Variants in TSPEAR observed in about 807,000 individuals in gnomAD.
The protein encoded by TSPEAR is thrombospondin-type laminin G domain and EAR repeat-containing protein.
Under a neutral mutation model 71.6 loss-of-function variants are expected in TSPEAR, and 69 were observed. The ratio of observed to expected loss-of-function variants is 0.96; its 90% CI spans 0.79 to 1.18. The LOEUF (loss-of-function observed/expected upper bound fraction) is 1.18. Ranked by LOEUF, TSPEAR falls within the 50% of genes most tolerant of loss-of-function variation. The pLI is 0.00. For missense variants in TSPEAR, 971 were observed against 894.9 expected, an observed-to-expected ratio of 1.09 and a Z score of -1.09; for synonymous variants, 402 against 387.2, an observed-to-expected ratio of 1.04 and a Z score of -0.45.
At chr21:44,689,739 A>ATTTTTTTT (rs1420649057) in intron 1 of TSPEAR, among the ~76,000 whole-genome samples, 3 of 128,176 alleles carry the variant, frequency 2.3e-5, no homozygotes, top group African/African-American at 9.5e-5. Context: ...ATATATATAT[A>ATTTTTTTT]TTTTGGGGGG....
At chr21:44,676,509 G>T in intron 1 of TSPEAR, 1 of 780,808 alleles carries the variant, frequency 1.3e-6, no homozygotes, top group Non-Finnish European at 2.3e-6. Context: ...CTCTGAGTCT[G>T]GCATAGGCGG....
At chr21:44,518,548 C>T (rs587726315) in intron 9 of TSPEAR, 45 of 434,328 alleles carry the variant, frequency 1.0e-4, no homozygotes, top group South Asian at 7.1e-4. Flanking sequence ...TCCAGGACAG[C>T]AGCCTCTCCG....
In TSPEAR at chr21:44,662,537, T is replaced by A. The variant is rs587711613; in HGVS notation, c.82+48896A>T. On this transcript the variant is annotated intron_variant, in intron 1 of 11. Coordinates refer to ENST00000323084, the MANE Select transcript of TSPEAR (RefSeq NM_144991.3). ...AAAAACAGATAAATCAGATTTGTCATTGGACTTCAGCTTCAAGAGAACAAG... is the reference window on the plus strand; with the variant it reads ...AAAAACAGATAAATCAGATTTGTCAATGGACTTCAGCTTCAAGAGAACAAG... 2.0e-5 allele frequency among the ~76,000 whole-genome samples: 3 copies of A among 152,324 alleles called. No individual in the cohort carries two copies. In the East Asian group the frequency reaches 5.8e-4, roughly 29 times the overall value.
intron 1 of TSPEAR, among the ~76,000 whole-genome samples, chr21:44,645,995 C>T (rs1036262147): frequency 5.3e-5 from 8 of 151,098 alleles, no homozygotes; most frequent in East Asian, 2.0e-4. Context: ...AAAATTACAG[C>T]GTGCCTGTAA....
chr21:44,603,189 G>A (rs782079759), intron 1 of TSPEAR, among the ~76,000 whole-genome samples: 12 of 152,204 alleles, frequency 7.9e-5, no homozygotes, highest in African/African-American at 2.2e-4. Context: ...AAACTCTGGC[G>A]TGGGGCTGGA....
chr21:44,567,986 G>T lies in TSPEAR; in HGVS notation c.102C>A (p.Ile34=), dbSNP rs1237164123. 9 of 1,547,550 alleles carry T rather than the reference G, an allele frequency of 5.8e-6. No homozygotes were observed. Among genetic ancestry groups the T allele is most frequent in the South Asian group, 1.2e-5 (1 of 81,878 alleles). The change falls in exon 2 of 12, where the codon ATC becomes ATA. Residue 34 remains isoleucine (I), a synonymous_variant. Transcript: ENST00000323084. ...EPCTDLRPLD[I]LAEVVPSDGA... is the part of the protein sequence containing the mutation. ...CATCAGAAGGGACCACTTCCGCCAG[G>T]ATGTCCAGGGGGCGCAGGTCTGTGG... is the stretch of plus-strand genomic sequence containing the variant.
intron 1 of TSPEAR, among the ~76,000 whole-genome samples, chr21:44,576,907 G>A (rs1370425093): frequency 2.0e-5 from 3 of 152,194 alleles, no homozygotes; most frequent in African/African-American, 7.2e-5. Flanking sequence ...GCAAGTCTCA[G>A]TGTCCTCAGG....
intron 1 of TSPEAR, among the ~76,000 whole-genome samples, chr21:44,595,908 T>G (rs1980336464): frequency 1.3e-5 from 2 of 152,252 alleles, no homozygotes; most frequent in African/African-American, 2.4e-5. Context: ...TACAGCTGCA[T>G]AGAATTCCAT....
At chr21:44,555,462 C>A (rs930535630) in intron 2 of TSPEAR, among the ~76,000 whole-genome samples, 1 of 152,186 alleles carries the variant, frequency 6.6e-6, no homozygotes, top group Non-Finnish European at 1.5e-5. Context: ...AAAGGGAGGG[C>A]AGCCTGGCTC....
chr21:44,599,716 C>T (rs1290600444), intron 1 of TSPEAR, among the ~76,000 whole-genome samples: 1 of 152,180 alleles, frequency 6.6e-6, no homozygotes, highest in Non-Finnish European at 1.5e-5. Context: ...ATGTGGTGGC[C>T]AATTGGATAT....
chr21:44,558,840 G>C, intron 2 of TSPEAR: 1 of 1,283,046 alleles, frequency 7.8e-7, no homozygotes, highest in East Asian at 2.5e-5. Flanking sequence ...CCTCTGTGTT[G>C]ATTGTGCTGC....
Position 44,558,654 on chromosome 21 carries a change from G to T in TSPEAR, c.303+9131C>A, listed in dbSNP as rs145185182. 1.7e-3 allele frequency: 2,691 copies of T among 1,613,252 alleles called. 17 individuals are homozygous for T. Among genetic ancestry groups the T allele is most frequent in the African/African-American group, 0.013 (996 of 74,968 alleles). On this transcript the variant is annotated intron_variant, in intron 2 of 11. Coordinates refer to ENST00000323084, the MANE Select transcript of TSPEAR (RefSeq NM_144991.3). ...GGGCTCACAGCAGCTCTCTGGGCAGGCGTCCACCTGCCAGGAGTCAGAGTA... is the reference window on the plus strand; with the variant it reads ...GGGCTCACAGCAGCTCTCTGGGCAGTCGTCCACCTGCCAGGAGTCAGAGTA...
chr21:44,697,143 A>G, intron 1 of TSPEAR: 2 of 1,586,820 alleles, frequency 1.3e-6, no homozygotes, highest in African/African-American at 1.3e-5. Context: ...CAGCACCCAG[A>G]CACTCACTGT....
At chr21:44,565,177 T>C (rs2053686527) in intron 2 of TSPEAR, among the ~76,000 whole-genome samples, 1 of 152,090 alleles carries the variant, frequency 6.6e-6, no homozygotes, top group Admixed American at 6.5e-5. Context: ...AATACCTGTA[T>C]TAAGAAAGAT....
intron 1 of TSPEAR, chr21:44,638,305 C>T: frequency 1.1e-6 from 1 of 885,966 alleles, no homozygotes; most frequent in East Asian, 2.9e-5. Context: ...GACCAGGATG[C>T]TCCCCCAGTC....
intron 1 of TSPEAR, among the ~76,000 whole-genome samples, chr21:44,653,136 GAC>G (rs1316394516): frequency 2.0e-5 from 3 of 152,124 alleles, no homozygotes; most frequent in Non-Finnish European, 4.4e-5. Flanking sequence ...CCAGCCTGGT[GAC>G]AGAGCGAGAC....
chr21:44,557,182 C>G (rs587669576), intron 2 of TSPEAR, among the ~76,000 whole-genome samples: 1 of 152,128 alleles, frequency 6.6e-6, no homozygotes, highest in Admixed American at 6.5e-5. Flanking sequence ...TAGGTTTTGT[C>G]GGCTACATGA....
chr21:44,499,706 CG>C lies in TSPEAR; in HGVS notation c.*76del. 7.0e-7 allele frequency: 1 copy of C among 1,431,754 alleles called. No homozygotes were observed. The highest frequency in any genetic ancestry group is 9.2e-7 in the Non-Finnish European group (1 of 1,083,254). 88.7% of individuals were successfully genotyped at this position (1,431,754 alleles called of 1,614,324 possible). A position where few individuals can be genotyped will look rare whatever the true frequency, so the allele number is the denominator to read the frequency against. On this transcript the variant is annotated 3_prime_UTR_variant, in exon 12 of 12. Transcript: ENST00000323084. ...ATGCCCTAGGCTGGGCCCACCTGGA[CG>C]TCCAGGGTCAGTTGGGGGAGGTGCT...
At chr21:44,521,819 C>G (rs1196501345) in intron 9 of TSPEAR, 64 bp downstream of exon 9, 1 of 1,451,186 alleles carries the variant, frequency 6.9e-7, no homozygotes, top group Middle Eastern at 2.0e-4. Context: ...ACCTGTCCAG[C>G]AGGTGCAGGT....
Sources: allele counts gnomAD v4.1 joint callset (sites outside exome capture counted in the v4.1 genomes callset), GRCh38; gene constraint gnomAD v4.1.1; transcripts MANE v1.5; gene names NCBI Gene and HGNC (gene_info 2026-07-23, HGNC 2026-07-21).